The following HMGN3 variants were observed in gnomAD, a reference collection of about 807,000 sequenced individuals.
The protein encoded by HMGN3 is high mobility group nucleosome-binding domain-containing protein 3.
HMGN3 carries 6 observed loss-of-function variants against 18.8 expected under a neutral mutation model. That is an observed-to-expected ratio of 0.32 (90% confidence interval 0.18 to 0.63). The LOEUF (loss-of-function observed/expected upper bound fraction) is 0.63. Among genes scored for constraint, HMGN3 ranks in the 30% least tolerant of loss-of-function variants. HMGN3 has a pLI of 0.79. For missense variants in HMGN3, 107 were observed against 114.2 expected (o/e 0.94, Z 0.29); for synonymous variants, 40 against 36.5 (o/e 1.10, Z -0.35).
intron 4 of HMGN3, among the ~76,000 whole-genome samples, chr6:79,202,999 A>G (rs1776222686): frequency 6.6e-6 from 1 of 152,192 alleles, no homozygotes; most frequent in South Asian, 2.1e-4. Flanking sequence ...AGTGCAGAAA[A>G]GCCATTTTGG....
intron 1 of HMGN3, among the ~76,000 whole-genome samples, chr6:79,215,324 A>C (rs1254364528): frequency 6.6e-6 from 1 of 152,228 alleles, no homozygotes; most frequent in Admixed American, 6.5e-5. Context: ...ATTCCAGTTA[A>C]AGAACAGGGG....
chr6:79,203,058 G>C (rs1776225734), intron 4 of HMGN3, among the ~76,000 whole-genome samples: 3 of 152,124 alleles, frequency 2.0e-5, no homozygotes, highest in Admixed American at 2.0e-4. Flanking sequence ...CTGCAAAACA[G>C]GATATTTGTA....
At chr6:79,206,037 A>G (rs1189571280) in intron 3 of HMGN3, among the ~76,000 whole-genome samples, 2 of 152,216 alleles carry the variant, frequency 1.3e-5, no homozygotes, top group African/African-American at 4.8e-5. Context: ...TCTGGTGGAA[A>G]AAATTTCAAA....
chr6:79,223,884 G>A (rs984238010), intron 1 of HMGN3, among the ~76,000 whole-genome samples: 7 of 152,182 alleles, frequency 4.6e-5, no homozygotes, highest in Admixed American at 2.0e-4. Context: ...AGTTAAGATG[G>A]ACCTTAAGAT....
intron 3 of HMGN3, among the ~76,000 whole-genome samples, chr6:79,205,705 G>C (rs1678550730): frequency 6.6e-6 from 1 of 152,234 alleles, no homozygotes; most frequent in Non-Finnish European, 1.5e-5. Flanking sequence ...AGTGACTTTA[G>C]AACTGGGTAA....
chr6:79,226,649 T>G (rs931041111), intron 1 of HMGN3, among the ~76,000 whole-genome samples: 1 of 152,198 alleles, frequency 6.6e-6, no homozygotes, highest in Non-Finnish European at 1.5e-5. Context: ...AATAGCTCGA[T>G]TTTGATATTA....
chr6:79,208,732 C>T (rs1442972704), intron 2 of HMGN3, among the ~76,000 whole-genome samples, 156 bp from the exon 3 acceptor site: 3 of 152,078 alleles, frequency 2.0e-5, no homozygotes, highest in Admixed American at 6.5e-5. Flanking sequence ...AAACATATCC[C>T]AAGTCCCCTG....
Position 79,205,736 on chromosome 6 carries a change from T to C in HMGN3, c.97-2106A>G, listed in dbSNP as rs376798105. Among the ~76,000 whole-genome samples, 37 of 152,218 alleles carry C rather than the reference T, an allele frequency of 2.4e-4. No individual in the cohort carries two copies. In the South Asian group the frequency reaches 6.2e-3, roughly 26 times the overall value. ...GGTAACAGACAGAGGTTGGAACAGT[T>C]TGGAGCGCTCAGAAGAAGACAAGAA... On this transcript the variant is annotated intron_variant, in intron 3 of 5. Transcript: ENST00000344726.
At chr6:79,234,511 G>A (rs377226179) in intron 1 of HMGN3, 35 bp downstream of exon 1, 1 of 1,605,314 alleles carries the variant, frequency 6.2e-7, no homozygotes, top group African/African-American at 1.3e-5. Flanking sequence ...AGCAGAATTT[G>A]AAGGCTTTTG....
At chr6:79,216,697 A>C (rs1391349610) in intron 1 of HMGN3, among the ~76,000 whole-genome samples, 1 of 152,116 alleles carries the variant, frequency 6.6e-6, no homozygotes, top group Non-Finnish European at 1.5e-5. Context: ...TCGTTTATAG[A>C]TCTTGTGTTA....
At chr6:79,221,000 T>C (rs1162316404) in intron 1 of HMGN3, among the ~76,000 whole-genome samples, 1 of 152,174 alleles carries the variant, frequency 6.6e-6, no homozygotes, top group Non-Finnish European at 1.5e-5. Context: ...TTCTCAGTGG[T>C]GGGTAAATAG....
chr6:79,226,480 T>C (rs1411988289), intron 1 of HMGN3, among the ~76,000 whole-genome samples: 1 of 152,154 alleles, frequency 6.6e-6, no homozygotes, highest in Non-Finnish European at 1.5e-5. Flanking sequence ...TGAGATGAAA[T>C]TGCTTCATTA....
intron 1 of HMGN3, among the ~76,000 whole-genome samples, chr6:79,218,995 G>T (rs1777136188): frequency 6.6e-6 from 1 of 152,120 alleles, no homozygotes; most frequent in Non-Finnish European, 1.5e-5. Context: ...GTGGTTAATT[G>T]AGAAGCTCCA....
intron 1 of HMGN3, among the ~76,000 whole-genome samples, chr6:79,222,453 T>G (rs1311064853): frequency 6.6e-6 from 1 of 152,186 alleles, no homozygotes; most frequent in Non-Finnish European, 1.5e-5. Flanking sequence ...CAAGGTTAAT[T>G]CTCTCCACAA....
chr6:79,203,043 C>T (rs1776224679), intron 4 of HMGN3, among the ~76,000 whole-genome samples: 1 of 152,160 alleles, frequency 6.6e-6, no homozygotes, highest in Non-Finnish European at 1.5e-5. Context: ...CCTCAGTTTC[C>T]TCATCTGCAA....
chr6:79,231,185 T>C (rs1453824135), intron 1 of HMGN3, among the ~76,000 whole-genome samples: 6 of 152,140 alleles, frequency 3.9e-5, no homozygotes, highest in Non-Finnish European at 7.3e-5. Context: ...AAGAAAGAGG[T>C]AAAAATGTGT....
intron 2 of HMGN3, among the ~76,000 whole-genome samples, chr6:79,214,631 C>T (rs1776880114): frequency 6.6e-6 from 1 of 152,174 alleles, no homozygotes; most frequent in South Asian, 2.1e-4. Flanking sequence ...CTGTGAAAGG[C>T]AGACTTTGTT....
intron 2 of HMGN3, among the ~76,000 whole-genome samples, chr6:79,213,227 G>C (rs1460274373): frequency 1.3e-5 from 2 of 151,816 alleles, no homozygotes; most frequent in Admixed American, 1.3e-4. Flanking sequence ...CTGGATGACA[G>C]AGTGAGATGC....
At chr6:79,223,928 C>G (rs550735711) in intron 1 of HMGN3, among the ~76,000 whole-genome samples, 1 of 152,220 alleles carries the variant, frequency 6.6e-6, no homozygotes, top group African/African-American at 2.4e-5. Context: ...TACTTGTGTA[C>G]TTATTTATCA....
Sources: allele counts gnomAD v4.1 joint callset (sites outside exome capture counted in the v4.1 genomes callset), GRCh38; gene constraint gnomAD v4.1.1; transcripts MANE v1.5; gene names NCBI Gene and HGNC (gene_info 2026-07-23, HGNC 2026-07-21).